Variants in KCNT2 observed in about 807,000 individuals in gnomAD.
KCNT2 encodes potassium channel subfamily T member 2.
A neutral mutation model predicts 153.8 loss-of-function variants in KCNT2; 67 were observed. That is an observed-to-expected ratio of 0.44 (90% CI 0.36 to 0.53). KCNT2 has a LOEUF of 0.53. Among genes scored for constraint, KCNT2 ranks in the 20% least tolerant of loss-of-function variants. KCNT2 has a pLI of 0.00. For missense variants in KCNT2, 975 were observed against 1,354.8 expected, an observed-to-expected ratio of 0.72 and a Z score of 4.40; for synonymous variants, 500 against 458.8, an observed-to-expected ratio of 1.09 and a Z score of -1.15.
At chr1:196,596,100 A>ATC (rs1410299804) in intron 1 of KCNT2, among the ~76,000 whole-genome samples, 7 of 141,648 alleles carry the variant, frequency 4.9e-5, no homozygotes, top group African/African-American at 2.0e-4. Context: ...ATATATATAT[A>ATC]TCACATTTTC....
chr1:196,417,272 T>C (rs1672832127), intron 12 of KCNT2, among the ~76,000 whole-genome samples: 1 of 152,098 alleles, frequency 6.6e-6, no homozygotes. Flanking sequence ...TATGTGAAGC[T>C]GACATGACAA....
At chr1:196,300,377 A>T (rs1232053770) in intron 22 of KCNT2, among the ~76,000 whole-genome samples, 1 of 152,190 alleles carries the variant, frequency 6.6e-6, no homozygotes, top group Non-Finnish European at 1.5e-5. Context: ...CTACTCCAAA[A>T]TATGTCAGCT....
chr1:196,313,911 A>G (rs1260583219), intron 21 of KCNT2, among the ~76,000 whole-genome samples: 2 of 151,660 alleles, frequency 1.3e-5, no homozygotes, highest in Admixed American at 1.3e-4. Flanking sequence ...GATAAGCCTA[A>G]TAGTTAAGGT....
chr1:196,267,134 T>A (rs1415842570), intron 25 of KCNT2, among the ~76,000 whole-genome samples: 1 of 152,218 alleles, frequency 6.6e-6, no homozygotes, highest in Non-Finnish European at 1.5e-5. Flanking sequence ...TGCAGGCAGA[T>A]CTTTACTGCA....
chr1:196,476,749 C>T (rs1164527167), intron 5 of KCNT2, among the ~76,000 whole-genome samples: 1 of 152,052 alleles, frequency 6.6e-6, no homozygotes, highest in Non-Finnish European at 1.5e-5. Flanking sequence ...TATTTCACTC[C>T]TGCCTTGTAC....
At chr1:196,565,762 T>C (rs1465708494) in intron 1 of KCNT2, among the ~76,000 whole-genome samples, 3 of 151,702 alleles carry the variant, frequency 2.0e-5, no homozygotes, top group African/African-American at 7.3e-5. Context: ...AAGTGGAATC[T>C]ACAAAAGTTA....
chr1:196,298,161 A>T (rs1401587015), intron 22 of KCNT2, among the ~76,000 whole-genome samples: 1 of 152,150 alleles, frequency 6.6e-6, no homozygotes, highest in Non-Finnish European at 1.5e-5. Context: ...TTGCATTCTG[A>T]CATAAATTCT....
rs1208075207 is a variant in KCNT2 at position 196,225,978 on chromosome 1, T to A, written c.*2246A>T. 1 of 152,118 alleles carries A rather than the reference T, an allele frequency of 6.6e-6. No homozygotes were observed. The highest frequency in any genetic ancestry group is 6.5e-5 in the Admixed American group (1 of 15,278). The allele number at this position is 152,118 out of a possible 1,614,324, so 9.4% of individuals were successfully genotyped here. ...TTAAAAGTCTTTTATAAGCATGTTT[T>A]TATTCTTTAAATAACAGAAAGACTA... is the stretch of plus-strand genomic sequence containing the variant. On this transcript the variant is annotated 3_prime_UTR_variant, in exon 28 of 28. Transcript: ENST00000294725.
intron 8 of KCNT2, among the ~76,000 whole-genome samples, chr1:196,443,602 T>C (rs144346123): frequency 9.4e-4 from 142 of 151,676 alleles, no homozygotes; most frequent in African/African-American, 3.3e-3. Context: ...AATAACCAGC[T>C]TGTGGAATCA....
At chr1:196,243,958 G>A (rs536967555) in intron 26 of KCNT2, among the ~76,000 whole-genome samples, 6 of 151,840 alleles carry the variant, frequency 4.0e-5, no homozygotes, top group Non-Finnish European at 8.8e-5. Context: ...TTGAGGGGAC[G>A]AAAGAGTAAA....
intron 8 of KCNT2, among the ~76,000 whole-genome samples, chr1:196,431,527 G>A (rs1417080831): frequency 6.6e-6 from 1 of 152,042 alleles, no homozygotes; most frequent in African/African-American, 2.4e-5. Context: ...TTCTTAGACA[G>A]AAATGAAGAC....
intron 14 of KCNT2, among the ~76,000 whole-genome samples, chr1:196,370,438 G>T (rs914868909): frequency 1.5e-4 from 23 of 151,924 alleles, no homozygotes; most frequent in Admixed American, 1.3e-3. Context: ...AATAGAAAAA[G>T]AAAATGTTAT....
In KCNT2 at chr1:196,264,785, T is replaced by C. The variant is rs192327800; in HGVS notation, c.2911-6291A>G. On this transcript the variant is annotated intron_variant, in intron 25 of 27. Coordinates refer to ENST00000294725, the MANE Select transcript of KCNT2 (RefSeq NM_198503.5). Reference sequence around the variant, plus strand: ...CAGCTAAGACCACAGGCATGGAGCATCACGCCTGGCTAATTTTTGTATTTT... The same window carrying C: ...CAGCTAAGACCACAGGCATGGAGCACCACGCCTGGCTAATTTTTGTATTTT... Among the ~76,000 whole-genome samples the C allele has an allele frequency of 2.7e-3, 414 of 152,084 alleles. 3 individuals carry two copies. Among genetic ancestry groups the C allele is most frequent in the African/African-American group, 9.6e-3 (400 of 41,524 alleles).
At chr1:196,266,623 T>A (rs1362536263) in intron 25 of KCNT2, among the ~76,000 whole-genome samples, 3 of 152,160 alleles carry the variant, frequency 2.0e-5, no homozygotes, top group African/African-American at 2.4e-5. Context: ...AGGACTACAA[T>A]AACTGGAACA....
chr1:196,430,056 C>T (rs1163014660), intron 8 of KCNT2, among the ~76,000 whole-genome samples: 2 of 152,076 alleles, frequency 1.3e-5, no homozygotes, highest in South Asian at 2.1e-4. Context: ...ACTGAATGAA[C>T]ATCAACACAA....
chr1:196,469,189 T>A (rs1441797638), intron 5 of KCNT2, 121 bp from the exon 6 acceptor site: 5 of 607,360 alleles, frequency 8.2e-6, no homozygotes, highest in Non-Finnish European at 1.5e-5. Flanking sequence ...GAATACTGAA[T>A]ATTATATAGA....
At chr1:196,494,819 T>C (rs1680128802) in intron 1 of KCNT2, among the ~76,000 whole-genome samples, 1 of 152,178 alleles carries the variant, frequency 6.6e-6, no homozygotes, top group Non-Finnish European at 1.5e-5. Context: ...TAAAATGGAA[T>C]GACACATAAT....
chr1:196,572,005 A>G (rs895619871), intron 1 of KCNT2, among the ~76,000 whole-genome samples: 4 of 152,152 alleles, frequency 2.6e-5, no homozygotes, highest in African/African-American at 9.6e-5. Flanking sequence ...TCTCAATACC[A>G]TGAAAGAAAT....
intron 26 of KCNT2, among the ~76,000 whole-genome samples, chr1:196,251,580 T>C (rs1655976435): frequency 6.6e-6 from 1 of 151,740 alleles, no homozygotes; most frequent in Admixed American, 6.6e-5. Context: ...AGACAGAGAG[T>C]AAAATGATGG....
Sources: gnomAD v4.1 joint callset for allele counts (sites outside exome capture counted in the v4.1 genomes callset) on GRCh38, gnomAD v4.1.1 for gene constraint, MANE v1.5 for transcripts, NCBI Gene and HGNC (gene_info 2026-07-23, HGNC 2026-07-21) for gene names.